Variants in TUBGCP4 observed in about 807,000 individuals in gnomAD.
TUBGCP4 encodes the protein tubulin gamma complex component 4, also known as gamma-tubulin complex component 4.
TUBGCP4 carries 54 observed loss-of-function variants against 91.6 expected under a neutral mutation model. The ratio of observed to expected loss-of-function variants is 0.59; its 90% CI spans 0.47 to 0.74. The LOEUF is 0.74. Ranked by LOEUF, TUBGCP4 falls within the 30% of genes least tolerant of loss-of-function variation. TUBGCP4 has a pLI of 0.00. For missense variants in TUBGCP4, 593 were observed against 800.9 expected (o/e 0.74, Z 3.13); for synonymous variants, 297 against 302.8 (o/e 0.98, Z 0.20).
rs546764882 is a variant in TUBGCP4, at chr15:43,371,317, G to A, written c.-38G>A. On this transcript the variant is annotated 5_prime_UTR_variant, in exon 1 of 18. Coordinates refer to ENST00000564079, the MANE Select transcript of TUBGCP4 (RefSeq NM_014444.5). ...GTCGCCTGGAGGTGCGCTGGAGGAGGGGGTGACATAACCAGGGACTCGAGG... is the reference window on the plus strand; with the variant it reads ...GTCGCCTGGAGGTGCGCTGGAGGAGAGGGTGACATAACCAGGGACTCGAGG... The A allele has an allele frequency of 9.4e-6, 15 of 1,603,356 alleles. No individual in the cohort carries two copies. The highest frequency in any genetic ancestry group is 3.3e-4 in the Middle Eastern group (2 of 6,050).
chr15:43,379,122 A>G (rs559885086), intron 5 of TUBGCP4, among the ~76,000 whole-genome samples: 1 of 152,322 alleles, frequency 6.6e-6, no homozygotes, highest in Admixed American at 6.5e-5. Flanking sequence ...CTAGTGTACC[A>G]AGGCTCTTCA....
intron 1 of TUBGCP4, among the ~76,000 whole-genome samples, chr15:43,375,609 A>C (rs546425981): frequency 6.6e-6 from 1 of 152,370 alleles, no homozygotes; most frequent in Middle Eastern, 3.4e-3. Flanking sequence ...TACAGATAAT[A>C]GGTATGCTTA....
rs1336848176 is a variant in TUBGCP4, at chr15:43,406,824, A to C, written c.*1610A>C. 2 of 332,780 alleles carry C rather than the reference A, an allele frequency of 6.0e-6. No individual in the cohort carries two copies. The highest frequency in any genetic ancestry group is 7.9e-5 in the East Asian group (1 of 12,728). 20.6% of individuals were successfully genotyped at this position (332,780 alleles called of 1,614,324 possible). A position where few individuals can be genotyped will look rare whatever the true frequency, so the allele number is the denominator to read the frequency against. Reference sequence around the variant, plus strand: ...TCAAGCTTATGGTCACTGTCCCTTCATGGCAGTTGGTCCTTTCGTTCTCCC... The same window carrying C: ...TCAAGCTTATGGTCACTGTCCCTTCCTGGCAGTTGGTCCTTTCGTTCTCCC... On this transcript the variant is annotated 3_prime_UTR_variant, in exon 18 of 18. Coordinates refer to ENST00000564079, the MANE Select transcript of TUBGCP4 (RefSeq NM_014444.5).
At chr15:43,381,616 C>T (rs1286861027) in intron 6 of TUBGCP4, among the ~76,000 whole-genome samples, 1 of 151,964 alleles carries the variant, frequency 6.6e-6, no homozygotes, top group Non-Finnish European at 1.5e-5. Flanking sequence ...TGCCTGTAGT[C>T]CCAGCTACGG....
chr15:43,375,489 G>A (rs962435704), intron 1 of TUBGCP4, among the ~76,000 whole-genome samples: 16 of 152,196 alleles, frequency 1.1e-4, no homozygotes, highest in African/African-American at 3.9e-4. Context: ...CTGAACTGCT[G>A]TGAAACCTTT....
Position 43,407,328 on chromosome 15 carries a change from GT to G in TUBGCP4, c.*2116del. ...ACACACAAGACACATTTAAAACCTG[GT>G]TAAAACACAATCTCCACGATAGCAG... On this transcript the variant is annotated 3_prime_UTR_variant, in exon 18 of 18. Coordinates refer to ENST00000564079, the MANE Select transcript of TUBGCP4 (RefSeq NM_014444.5). The G allele has an allele frequency of 6.5e-7, 1 of 1,539,956 alleles. No homozygotes were observed. The highest frequency in any genetic ancestry group is 8.9e-7 in the Non-Finnish European group (1 of 1,120,692).
chr15:43,392,719 G>A (rs539448055), intron 9 of TUBGCP4, among the ~76,000 whole-genome samples: 3 of 152,144 alleles, frequency 2.0e-5, no homozygotes, highest in South Asian at 2.1e-4. Flanking sequence ...GGCTGATCCC[G>A]AACTGCTGAG....
chr15:43,404,350 C>G, intron 16 of TUBGCP4, 63 bp from the exon 17 acceptor site: 1 of 1,593,840 alleles, frequency 6.3e-7, no homozygotes. Flanking sequence ...CCTCCGCCCC[C>G]ATCCTCCATA....
chr15:43,398,254 ATT>A, intron 13 of TUBGCP4, 75 bp downstream of exon 13: 1 of 1,533,172 alleles, frequency 6.5e-7, no homozygotes, highest in African/African-American at 1.4e-5. Context: ...CAGGAACAGA[ATT>A]AGTGGGAAAG....
chr15:43,390,442 ATTTCTT>A (rs1459294811), intron 9 of TUBGCP4, among the ~76,000 whole-genome samples: 1 of 151,330 alleles, frequency 6.6e-6, no homozygotes, highest in Non-Finnish European at 1.5e-5. Context: ...TTTATTTAGA[ATTTCTT>A]TTTATTGTTT....
Position 43,407,630 on chromosome 15 carries a change from A to AAGAG in TUBGCP4, c.*2420_*2423dup, listed in dbSNP as rs45502394. On this transcript the variant is annotated 3_prime_UTR_variant, in exon 18 of 18. Coordinates refer to ENST00000564079, the MANE Select transcript of TUBGCP4 (RefSeq NM_014444.5). ...ACACTCAACTTAGCCCTCCATTAGA[A>AAGAG]AGAGAGATTTGATTCTAACCAATAC... 1.1e-5 allele frequency: 17 copies of AAGAG among 1,504,914 alleles called. No individual in the cohort carries two copies. The Admixed American group carries it at 2.8e-4, about 25-fold the overall frequency. 93.2% of individuals were successfully genotyped at this position (1,504,914 alleles called of 1,614,324 possible).
intron 9 of TUBGCP4, among the ~76,000 whole-genome samples, chr15:43,392,767 G>A (rs2044499288): frequency 6.6e-6 from 1 of 152,128 alleles, no homozygotes; most frequent in African/African-American, 2.4e-5. Flanking sequence ...CCAAAGTGCT[G>A]GGATTACAGG....
chr15:43,389,460 G>A (rs931940294), intron 9 of TUBGCP4, among the ~76,000 whole-genome samples: 4 of 152,038 alleles, frequency 2.6e-5, no homozygotes, highest in Non-Finnish European at 4.4e-5. Context: ...CCTCGGCTCA[G>A]GTGGTCCTTC....
intron 9 of TUBGCP4, among the ~76,000 whole-genome samples, chr15:43,386,876 C>T (rs1277772057): frequency 6.6e-6 from 1 of 151,874 alleles, no homozygotes; most frequent in Non-Finnish European, 1.5e-5. Context: ...TTTTCATTAA[C>T]AGAGGCAGAA....
Position 43,400,143 on chromosome 15 carries a change from G to A in TUBGCP4, c.1518G>A (p.Ser506=), listed in dbSNP as rs200586648. Residue 506 remains serine, a synonymous_variant, in exon 14 of 18, where the codon TCG becomes TCA. Coordinates refer to ENST00000564079, the MANE Select transcript of TUBGCP4 (RefSeq NM_014444.5). ...ALQMQRKHLK[S]NQTDAIKWRL... ...AAATGCAGCGCAAGCACCTCAAGTC[G>A]AACCAGACTGATGCAATCAAGTGGC... The A allele has an allele frequency of 8.7e-5, 140 of 1,614,068 alleles. No homozygotes were observed. Among genetic ancestry groups the A allele is most frequent in the Admixed American group, 5.0e-4 (30 of 60,000 alleles).
At chr15:43,372,230 C>G (rs1033617931) in intron 1 of TUBGCP4, among the ~76,000 whole-genome samples, 7 of 152,158 alleles carry the variant, frequency 4.6e-5, no homozygotes, top group Non-Finnish European at 5.9e-5. Flanking sequence ...AAACTTTATG[C>G]TGGCCAGTCC....
chr15:43,379,485 C>T (rs1363311613), intron 5 of TUBGCP4, among the ~76,000 whole-genome samples: 1 of 151,402 alleles, frequency 6.6e-6, no homozygotes, highest in African/African-American at 2.4e-5. Context: ...ACTAAAAATA[C>T]AAAAAAAATT....
chr15:43,407,729 T>TAATC lies in TUBGCP4; in HGVS notation c.*2517_*2520dup, dbSNP rs1239503175. On this transcript the variant is annotated 3_prime_UTR_variant, in exon 18 of 18. Coordinates refer to ENST00000564079, the MANE Select transcript of TUBGCP4 (RefSeq NM_014444.5). ...CTGATCATGACCAAAGGCAGAGTTATAATCACTATGTGCTGACCTTGTAGA... is the reference window on the plus strand; with the variant it reads ...CTGATCATGACCAAAGGCAGAGTTATAATCAATCACTATGTGCTGACCTTGTAGA... The TAATC allele has an allele frequency of 2.5e-6, 2 of 806,252 alleles. No homozygotes were observed. Among genetic ancestry groups the TAATC allele is most frequent in the Admixed American group, 2.9e-5 (1 of 34,370 alleles). 49.9% of individuals were successfully genotyped at this position (806,252 alleles called of 1,614,324 possible). A position where few individuals can be genotyped will look rare whatever the true frequency, so the allele number is the denominator to read the frequency against.
chr15:43,407,641 G>T lies in TUBGCP4; in HGVS notation c.*2427G>T. On this transcript the variant is annotated 3_prime_UTR_variant, in exon 18 of 18. Transcript: ENST00000564079. The stretch of plus-strand genomic sequence containing the variant: ...AGCCCTCCATTAGAAAGAGAGATTT[G>T]ATTCTAACCAATACATCCCACTCTG... 1.4e-6 allele frequency: 2 copies of T among 1,433,862 alleles called. No homozygotes were observed. The highest frequency in any genetic ancestry group is 1.3e-5 in the South Asian group (1 of 76,070). The allele number at this position is 1,433,862 out of a possible 1,614,324, so 88.8% of individuals were successfully genotyped here.
Sources: allele counts gnomAD v4.1 joint callset (sites outside exome capture counted in the v4.1 genomes callset), GRCh38; gene constraint gnomAD v4.1.1; transcripts MANE v1.5; gene names NCBI Gene and HGNC (gene_info 2026-07-23, HGNC 2026-07-21).